Variants in ZFHX3 observed in about 807,000 individuals in gnomAD.
ZFHX3 encodes zinc finger homeobox protein 3.
ZFHX3 carries 42 observed loss-of-function variants against 279.1 expected under a neutral mutation model. That is an observed-to-expected ratio of 0.15 (90% CI 0.12 to 0.19). The LOEUF is 0.19. Ranked by LOEUF, ZFHX3 falls within the 10% of genes least tolerant of loss-of-function variation. ZFHX3 has a pLI of 1.00. For synonymous variants in ZFHX3, 2,293 were observed against 1,957.8 expected (o/e 1.17, Z -4.52); for missense variants, 4,981 against 4,754.0 (o/e 1.05, Z -1.40).
rs901670701 is a variant in ZFHX3 at position 73,048,077 on chromosome 16, CGCCGCCGCCTCCTCCTCT to C, written c.-393_-376del. The stretch of plus-strand genomic sequence containing the variant: ...GCGTCCGGGTCCCCGGCCTGCCCGC[CGCCGCCGCCTCCTCCTCT>C]GCCGCCGCCCGCCCGGAATCGCTTT... On this transcript the variant is annotated 5_prime_UTR_variant, in exon 1 of 10. Coordinates refer to ENST00000268489, the MANE Select transcript of ZFHX3 (RefSeq NM_006885.4). 5.9e-5 allele frequency: 9 copies of C among 152,540 alleles called. No individual in the cohort carries two copies. The highest frequency in any genetic ancestry group is 2.2e-4 in the African/African-American group (9 of 41,362). 9.4% of individuals were successfully genotyped at this position (152,540 alleles called of 1,614,324 possible). A position where few individuals can be genotyped will look rare whatever the true frequency, so the allele number is the denominator to read the frequency against.
chr16:73,144,741 C>G (rs935964912), intron 5 of ZFHX3, among the ~76,000 whole-genome samples: 1 of 152,170 alleles, frequency 6.6e-6, no homozygotes, highest in Non-Finnish European at 1.5e-5. Flanking sequence ...CGCCCCTCCC[C>G]GCAAAGTGGA....
intron 3 of ZFHX3, among the ~76,000 whole-genome samples, chr16:72,934,595 A>T (rs1960012131): frequency 6.6e-6 from 1 of 151,880 alleles, no homozygotes; most frequent in Non-Finnish European, 1.5e-5. Context: ...TCTTGCTCAA[A>T]CTCCAGCTTG....
At chr16:73,712,411 A>G (rs756844436) in intron 1 of ZFHX3, among the ~76,000 whole-genome samples, 3 of 152,122 alleles carry the variant, frequency 2.0e-5, no homozygotes, top group Non-Finnish European at 2.9e-5. Context: ...CAGGCCTCTG[A>G]AATCTCTGAC....
chr16:73,823,512 G>A (rs564759138), intron 1 of ZFHX3, among the ~76,000 whole-genome samples: 170 of 152,334 alleles, frequency 1.1e-3, no homozygotes, highest in African/African-American at 4.0e-3. Context: ...GAAGGAGGTC[G>A]ACTCTGAACA....
intron 4 of ZFHX3, among the ~76,000 whole-genome samples, chr16:72,867,391 G>C (rs73590724): frequency 0.045 from 6,803 of 152,248 alleles, 530 homozygotes; most frequent in African/African-American, 0.16. Flanking sequence ...TCCTGAGCAG[G>C]AAGATGAGAA....
In ZFHX3 at chr16:73,642,928, C is replaced by T. The variant is rs11863994; in HGVS notation, c.-1547+37252G>A. Among the ~76,000 whole-genome samples, 1,209 of 152,254 alleles carry T rather than the reference C, an allele frequency of 7.9e-3. 21 individuals carry two copies. The highest frequency in any genetic ancestry group is 0.028 in the African/African-American group (1,156 of 41,540). ...ACAGCCCAATTCGAAGTCTGACCTT[C>T]GAGGAATGGTGGGGTACGATGGAAA... On this transcript the variant is annotated intron_variant, in intron 2 of 17. Coordinates refer to the ZFHX3 transcript ENST00000641206.
At chr16:72,949,318 G>A (rs74962174) in intron 3 of ZFHX3, among the ~76,000 whole-genome samples, 1,779 of 152,298 alleles carry the variant, frequency 0.012, 46 homozygotes, top group African/African-American at 0.04. Flanking sequence ...TGAAAGGCAG[G>A]AGGAGAGGCT....
intron 2 of ZFHX3, among the ~76,000 whole-genome samples, chr16:73,464,904 G>A (rs1220127733): frequency 6.6e-6 from 1 of 152,146 alleles, no homozygotes; most frequent in Non-Finnish European, 1.5e-5. Context: ...TGTTGTACAG[G>A]TCCCTTGGAA....
intron 2 of ZFHX3, among the ~76,000 whole-genome samples, chr16:73,521,232 TC>T (rs1334137130): frequency 1.3e-5 from 2 of 152,322 alleles, no homozygotes; most frequent in Non-Finnish European, 2.9e-5. Flanking sequence ...TTCAAAAGGT[TC>T]TGCCACTTTC....
rs77324437 is a variant in ZFHX3, at chr16:73,792,975, G to T, written c.-1608+98676C>A. ...CACCCTGCACATTCCCAGAATGTTC[G>T]CTTCTGACACAAGCGGCATTATCTG... is the stretch of plus-strand genomic sequence containing the variant. On this transcript the variant is annotated intron_variant, in intron 1 of 17. Coordinates refer to the ZFHX3 transcript ENST00000641206. 4.9e-3 allele frequency among the ~76,000 whole-genome samples: 739 copies of T among 151,756 alleles called. 3 individuals carry two copies. Among genetic ancestry groups the T allele is most frequent in the Non-Finnish European group, 6.0e-3 (406 of 67,990 alleles).
At chr16:73,850,589 CTT>C (rs913931831) in intron 1 of ZFHX3, among the ~76,000 whole-genome samples, 3 of 152,134 alleles carry the variant, frequency 2.0e-5, no homozygotes, top group Admixed American at 6.5e-5. Flanking sequence ...GTGAAGTCTC[CTT>C]TCATTCCCAT....
intron 2 of ZFHX3, among the ~76,000 whole-genome samples, chr16:73,524,415 G>A (rs919930330): frequency 4.6e-5 from 7 of 152,104 alleles, no homozygotes; most frequent in South Asian, 2.1e-4. Context: ...GAAGTCTTGC[G>A]GCCTTTCCAT....
chr16:73,813,975 T>A (rs1960494419), intron 1 of ZFHX3: 1 of 152,232 alleles, frequency 6.6e-6, no homozygotes, highest in East Asian at 1.9e-4. Context: ...TTTCTTTCAA[T>A]CTCCTGTTAT....
At chr16:73,263,234 C>G (rs941898310) in intron 4 of ZFHX3, among the ~76,000 whole-genome samples, 2 of 151,458 alleles carry the variant, frequency 1.3e-5, no homozygotes, top group Non-Finnish European at 2.9e-5. Context: ...CTTACTCTGT[C>G]ACCCAGATTA....
intron 2 of ZFHX3, among the ~76,000 whole-genome samples, chr16:73,478,308 C>CTAT (rs1374681470): frequency 1.4e-5 from 2 of 146,490 alleles, no homozygotes; most frequent in African/African-American, 5.1e-5. Context: ...TACTAAAAGC[C>CTAT]ATATGACATG....
intron 1 of ZFHX3, among the ~76,000 whole-genome samples, chr16:73,864,093 T>C (rs535636040): frequency 6.6e-6 from 1 of 152,214 alleles, no homozygotes; most frequent in Admixed American, 6.5e-5. Flanking sequence ...CTTTGGTGTG[T>C]GTTATCTACC....
intron 1 of ZFHX3, among the ~76,000 whole-genome samples, chr16:73,880,470 T>A (rs2030109929): frequency 6.6e-6 from 1 of 152,158 alleles, no homozygotes. Flanking sequence ...AATGTGGAGC[T>A]TTTAAAAATT....
At chr16:72,938,649 A>G (rs1168255815) in intron 3 of ZFHX3, among the ~76,000 whole-genome samples, 3 of 152,198 alleles carry the variant, frequency 2.0e-5, no homozygotes, top group Non-Finnish European at 4.4e-5. Context: ...CACGCCCCCA[A>G]GGCATGAGTT....
chr16:73,382,352 T>C (rs1026033452), intron 3 of ZFHX3, among the ~76,000 whole-genome samples: 1 of 152,226 alleles, frequency 6.6e-6, no homozygotes. Context: ...TTGAGAAGAA[T>C]GTTTGCAGTA....
Sources: gnomAD v4.1 joint callset for allele counts (sites outside exome capture counted in the v4.1 genomes callset) on GRCh38, gnomAD v4.1.1 for gene constraint, MANE v1.5 for transcripts, NCBI Gene and HGNC (gene_info 2026-07-23, HGNC 2026-07-21) for gene names.